The following AHRR variants were observed in gnomAD, a reference collection of about 807,000 sequenced individuals.
The protein encoded by AHRR is ahR repressor.
AHRR carries 28 observed loss-of-function variants against 44.0 expected under a neutral mutation model. The ratio of observed to expected loss-of-function variants is 0.64; its 90% CI spans 0.47 to 0.87. AHRR has a LOEUF of 0.87. AHRR is among the 40% of genes least tolerant of loss of function. The probability of loss-of-function intolerance (pLI) is 0.00; values close to 1 mark genes in which losing one functional copy is unlikely to be tolerated. For synonymous variants in AHRR, 434 were observed against 407.0 expected, an observed-to-expected ratio of 1.07 and a Z score of -0.80; for missense variants, 990 against 953.9, an observed-to-expected ratio of 1.04 and a Z score of -0.50.
At chr5:410,965 TG>T (rs1253839816) in intron 4 of AHRR, among the ~76,000 whole-genome samples, 1 of 152,178 alleles carries the variant, frequency 6.6e-6, no homozygotes, top group Non-Finnish European at 1.5e-5. Flanking sequence ...TTTTAATATT[TG>T]TAGGACCTGT....
chr5:432,571 TG>T, intron 9 of AHRR, 47 bp downstream of exon 9: 1 of 1,596,590 alleles, frequency 6.3e-7, no homozygotes, highest in Non-Finnish European at 8.6e-7. Context: ...GGGTAAAATG[TG>T]TTTCTGCCCT....
rs540881647 is a variant in AHRR at position 389,665 on chromosome 5, C to T, written c.351+12949C>T. ...CAGACCAGCGTCAGAGCACTGCACG[C>T]CTCCACCACAAGGCCTCTGGGGGGT... On this transcript the variant is annotated intron_variant, in intron 4 of 10. Coordinates refer to ENST00000684583, the MANE Select transcript of AHRR (RefSeq NM_001377236.1). Among the ~76,000 whole-genome samples the T allele has an allele frequency of 2.0e-5, 3 of 152,076 alleles. No homozygotes were observed. The South Asian group carries it at 6.2e-4, about 32-fold the overall frequency.
At chr5:389,806 G>A (rs1214251649) in intron 4 of AHRR, among the ~76,000 whole-genome samples, 2 of 151,252 alleles carry the variant, frequency 1.3e-5, no homozygotes, top group Non-Finnish European at 2.9e-5. Context: ...AGAGGCCACC[G>A]TGAAAGACAG....
At chr5:396,215 T>C (rs1734699141) in intron 4 of AHRR, among the ~76,000 whole-genome samples, 1 of 152,132 alleles carries the variant, frequency 6.6e-6, no homozygotes, top group South Asian at 2.1e-4. Flanking sequence ...TATGCCCTCC[T>C]GCCCTCCTTC....
intron 1 of AHRR, among the ~76,000 whole-genome samples, chr5:335,169 G>A (rs1742074503): frequency 6.6e-6 from 1 of 152,150 alleles, no homozygotes; most frequent in Non-Finnish European, 1.5e-5. Context: ...GCTGATTCTT[G>A]GGCCTCTGGG....
intron 4 of AHRR, among the ~76,000 whole-genome samples, chr5:380,629 G>T (rs1733941481): frequency 6.6e-6 from 1 of 152,094 alleles, no homozygotes; most frequent in Non-Finnish European, 1.5e-5. Flanking sequence ...TTCATTCCTA[G>T]TATATAGAAG....
At chr5:322,826 G>A (rs1244312615) in intron 1 of AHRR, among the ~76,000 whole-genome samples, 4 of 152,244 alleles carry the variant, frequency 2.6e-5, no homozygotes, top group Non-Finnish European at 5.9e-5. Flanking sequence ...CTGACCCGGC[G>A]GACGCCGCCG....
intron 1 of AHRR, among the ~76,000 whole-genome samples, chr5:323,573 C>T (rs1477913542): frequency 6.6e-6 from 1 of 152,230 alleles, no homozygotes; most frequent in Non-Finnish European, 1.5e-5. Flanking sequence ...GAGGCCCCTC[C>T]TTCATGTGGC....
intron 3 of AHRR, among the ~76,000 whole-genome samples, chr5:371,198 G>A (rs1313143772): frequency 6.6e-6 from 1 of 152,196 alleles, no homozygotes; most frequent in Non-Finnish European, 1.5e-5. Context: ...CCCATGGACT[G>A]CCCAGCCACA....
At position 383,220 on chromosome 5, in the gene AHRR, G is replaced by A. The variant is rs368525284; in HGVS notation, c.351+6504G>A. On this transcript the variant is annotated intron_variant, in intron 4 of 10. Coordinates refer to ENST00000684583, the MANE Select transcript of AHRR (RefSeq NM_001377236.1). The surrounding 1 kb of genome is among the most constrained non-coding windows in gnomAD (Gnocchi z 4.0). ...CTGTTCACTGCACTGGGAAAATAGGGGTATTCCACTGTCATTGTGTGAGTT... is the reference window on the plus strand; with the variant it reads ...CTGTTCACTGCACTGGGAAAATAGGAGTATTCCACTGTCATTGTGTGAGTT... Among the ~76,000 whole-genome samples, 3 of 152,108 alleles carry A rather than the reference G, an allele frequency of 2.0e-5. No individual in the cohort carries two copies. The highest frequency in any genetic ancestry group is 4.1e-4 in the South Asian group (2 of 4,822).
chr5:335,805 C>T (rs751656053), intron 1 of AHRR, among the ~76,000 whole-genome samples: 5 of 152,242 alleles, frequency 3.3e-5, no homozygotes, highest in South Asian at 2.1e-4. Flanking sequence ...GTGCCTGGCC[C>T]GCAACTCAGC....
chr5:386,348 T>TCAC (rs1377782513), intron 4 of AHRR, among the ~76,000 whole-genome samples: 21 of 152,270 alleles, frequency 1.4e-4, no homozygotes, highest in African/African-American at 4.3e-4. Flanking sequence ...TGTGAATATG[T>TCAC]CACTTTACGT....
intron 4 of AHRR, chr5:403,930 A>T (rs920484929): frequency 4.6e-6 from 7 of 1,528,498 alleles, no homozygotes; most frequent in Non-Finnish European, 2.7e-6. Context: ...AGTCTGGAGT[A>T]TTTGATGAAA....
intron 8 of AHRR, among the ~76,000 whole-genome samples, chr5:429,228 C>T (rs576163127): frequency 6.6e-6 from 1 of 151,802 alleles, no homozygotes; most frequent in East Asian, 1.9e-4. Flanking sequence ...ATCCAACTTC[C>T]TCTCAGAGAA....
chr5:325,086 G>A (rs192843112), intron 1 of AHRR, among the ~76,000 whole-genome samples: 15 of 152,310 alleles, frequency 9.8e-5, no homozygotes, highest in African/African-American at 2.4e-4. Flanking sequence ...TCTCAATTCC[G>A]GCTACTCGGA....
intron 5 of AHRR, among the ~76,000 whole-genome samples, chr5:422,079 A>T (rs1736152055): frequency 6.6e-6 from 1 of 152,078 alleles, no homozygotes; most frequent in East Asian, 1.9e-4. Context: ...GGACGGTGGG[A>T]TGGCCGGCCT....
intron 2 of AHRR, among the ~76,000 whole-genome samples, chr5:345,001 GGA>G (rs1742564028): frequency 7.6e-6 from 1 of 131,096 alleles, no homozygotes; most frequent in Non-Finnish European, 1.6e-5. Flanking sequence ...CTGTGTGTGG[GGA>G]GTGTGAGGCT....
intron 8 of AHRR, 117 bp from the exon 9 acceptor site, chr5:432,346 T>A: frequency 1.1e-6 from 1 of 932,884 alleles, no homozygotes; most frequent in Non-Finnish European, 1.7e-6. Flanking sequence ...CTGTCTTCAC[T>A]GCTCAGGTGT....
Position 434,111 on chromosome 5 carries a change from C to T in AHRR, c.1371C>T (p.Pro457=), listed in dbSNP as rs753828208. The change falls in exon 11 of 11, where the codon CCC becomes CCT. Residue 457 remains proline (P), a synonymous_variant. Coordinates refer to ENST00000684583, the MANE Select transcript of AHRR (RefSeq NM_001377236.1). ...TCTCTCACCCGCCGAGCCCGTCCCCCAGTGCCTACTCCAGCCGGACCAGCA... is the reference window on the plus strand; with the variant it reads ...TCTCTCACCCGCCGAGCCCGTCCCCTAGTGCCTACTCCAGCCGGACCAGCA... The part of the protein sequence containing the change: ...SPISHPPSPS[P]SAYSSRTSRP... 4 of 1,612,984 alleles carry T rather than the reference C, an allele frequency of 2.5e-6. No individual in the cohort carries two copies. In the African/African-American group the frequency reaches 5.3e-5, roughly 22 times the overall value.
Sources: gnomAD v4.1 joint callset for allele counts (sites outside exome capture counted in the v4.1 genomes callset) on GRCh38, gnomAD v4.1.1 for gene constraint, Gnocchi (gnomAD v3.1) non-coding constraint, MANE v1.5 for transcripts, NCBI Gene and HGNC (gene_info 2026-07-23, HGNC 2026-07-21) for gene names.